FAM3D: variants seen among roughly 807,000 people sequenced by gnomAD.
FAM3D encodes the protein FAM3 metabolism regulating signaling molecule D.
Under a neutral mutation model 29.8 loss-of-function variants are expected in FAM3D, and 26 were observed. The observed-to-expected ratio is 0.87, with a 90% confidence interval of 0.64 to 1.21. The LOEUF (loss-of-function observed/expected upper bound fraction) is 1.21, where lower values mean the gene tolerates loss of function less well. Among genes scored for constraint, FAM3D ranks in the 50% most tolerant of loss-of-function variants. FAM3D has a pLI of 0.00. For synonymous variants in FAM3D, 115 were observed against 102.3 expected (o/e 1.12, Z -0.75); for missense variants, 253 against 290.9 (o/e 0.87, Z 0.95).
At chr3:58,649,401 T>A (rs745812825) in intron 3 of FAM3D, 63 bp from the exon 4 acceptor site, 1 of 1,607,136 alleles carries the variant, frequency 6.2e-7, no homozygotes, top group South Asian at 1.1e-5. Context: ...AGGATGGAGG[T>A]TGGGGGCTGG....
At chr3:58,653,571 G>T in intron 3 of FAM3D, 103 bp downstream of exon 3, 3 of 1,125,666 alleles carry the variant, frequency 2.7e-6, no homozygotes, top group Non-Finnish European at 2.6e-6. Flanking sequence ...AGGCAGCACA[G>T]CTTGTCATGT....
At chr3:58,649,938 C>T (rs2066586332) in intron 3 of FAM3D, among the ~76,000 whole-genome samples, 1 of 152,234 alleles carries the variant, frequency 6.6e-6, no homozygotes, top group Non-Finnish European at 1.5e-5. Context: ...AGGGCCAAGC[C>T]CGGTGCCTGG....
Position 58,652,978 on chromosome 3 carries a change from G to GTTTTT in FAM3D, c.121+691_121+695dup, listed in dbSNP as rs59073252. Reference sequence around the variant, plus strand: ...CACCCATTTATCCATCCATCCATCCGTTTTTTTTTTTTCACTCATCAAATG... The same window carrying GTTTTT: ...CACCCATTTATCCATCCATCCATCCGTTTTTTTTTTTTTTTTTCACTCATCAAATG... On this transcript the variant is annotated intron_variant, in intron 3 of 9. Coordinates refer to ENST00000358781, the MANE Select transcript of FAM3D (RefSeq NM_138805.3). Among the ~76,000 whole-genome samples, 4 of 138,786 alleles carry GTTTTT rather than the reference G, an allele frequency of 2.9e-5. 1 individual carries two copies. Among genetic ancestry groups the GTTTTT allele is most frequent in the Non-Finnish European group, 4.7e-5 (3 of 63,326 alleles). 91.0% of individuals were successfully genotyped at this position (138,786 alleles called of 152,430 possible).
intron 1 of FAM3D, among the ~76,000 whole-genome samples, chr3:58,665,310 T>A: frequency 6.6e-6 from 1 of 152,110 alleles, no homozygotes; most frequent in East Asian, 2.0e-4. Context: ...CTGCTTGAGC[T>A]GCTCTGCCCT....
intron 6 of FAM3D, among the ~76,000 whole-genome samples, chr3:58,643,243 C>A (rs1331480567): frequency 6.6e-6 from 1 of 152,228 alleles, no homozygotes; most frequent in Non-Finnish European, 1.5e-5. Context: ...CCCCAGTGTC[C>A]TGTACAGAGC....
Position 58,653,724 on chromosome 3 carries a change from C to T in FAM3D, c.71G>A (p.Arg24Gln), listed in dbSNP as rs765250738. ...TTTCATGCTGAAGCTCATGTAGCTTCGAATAAACATCCATGTCGTGACTAT... is the reference window on the plus strand; with the variant it reads ...TTTCATGCTGAAGCTCATGTAGCTTTGAATAAACATCCATGTCGTGACTAT... ...FAIVTTWMFIRSYMSFSMKTI... is the reference protein window; with the variant it reads ...FAIVTTWMFIQSYMSFSMKTI... The change falls in exon 3 of 10, where the codon CGA (arginine) becomes CAA (glutamine). Residue 24 changes from arginine (R) to glutamine (Q), a missense_variant. Coordinates refer to ENST00000358781, the MANE Select transcript of FAM3D (RefSeq NM_138805.3). 5.1e-5 allele frequency: 83 copies of T among 1,613,950 alleles called. 1 individual carries two copies. The highest frequency in any genetic ancestry group is 9.3e-5 in the African/African-American group (7 of 74,930).
chr3:58,635,320 A>G lies in FAM3D; in HGVS notation c.586-952T>C, dbSNP rs2066132351. Among the ~76,000 whole-genome samples the G allele has an allele frequency of 6.6e-6, 1 of 152,220 alleles. No homozygotes were observed. Among genetic ancestry groups the G allele is most frequent in the African/African-American group, 2.4e-5 (1 of 41,454 alleles). ...GAATCATTGTGGCTGACTCTCAGGA[A>G]TTAAAAAAGAGATTCTAGATGCTAC... On this transcript the variant is annotated intron_variant, in intron 9 of 9. Transcript: ENST00000358781. This position sits in a 1 kb window ranked among gnomAD's most constrained non-coding sequence, Gnocchi z 5.2.
At chr3:58,656,781 G>A (rs144906765) in intron 1 of FAM3D, among the ~76,000 whole-genome samples, 2 of 152,350 alleles carry the variant, frequency 1.3e-5, no homozygotes, top group East Asian at 1.9e-4. Context: ...CCTGAGACAG[G>A]AGACTGGGCT....
chr3:58,659,117 T>C (rs2106942753), intron 1 of FAM3D, among the ~76,000 whole-genome samples: 1 of 152,296 alleles, frequency 6.6e-6, no homozygotes, highest in Middle Eastern at 3.4e-3. Flanking sequence ...TGATGCTATC[T>C]ACCTGTCCTG....
intron 1 of FAM3D, among the ~76,000 whole-genome samples, chr3:58,665,905 T>C (rs563685759): frequency 6.6e-6 from 1 of 152,308 alleles, no homozygotes; most frequent in Non-Finnish European, 1.5e-5. Flanking sequence ...ACTTCAGCGA[T>C]TGATGGGGGA....
At chr3:58,653,421 C>T (rs894154462) in intron 3 of FAM3D, among the ~76,000 whole-genome samples, 3 of 152,208 alleles carry the variant, frequency 2.0e-5, no homozygotes, top group East Asian at 3.9e-4. Flanking sequence ...CTTCCTTCTT[C>T]GGGTCACCTT....
chr3:58,645,375 C>T (rs2066445726), intron 5 of FAM3D, 134 bp downstream of exon 5: 2 of 587,294 alleles, frequency 3.4e-6, no homozygotes, highest in Admixed American at 6.3e-5. Context: ...ATTTGTGCCT[C>T]ACACACCCAG....
intron 4 of FAM3D, among the ~76,000 whole-genome samples, chr3:58,648,601 A>G (rs763711590): frequency 3.3e-5 from 5 of 152,182 alleles, no homozygotes; most frequent in East Asian, 3.8e-4. Context: ...GATGCCTGTG[A>G]AGTTCTGAAT....
intron 8 of FAM3D, 112 bp from the exon 9 acceptor site, chr3:58,636,532 C>T: frequency 6.9e-7 from 1 of 1,458,892 alleles, no homozygotes; most frequent in Non-Finnish European, 9.2e-7. Context: ...CAGCATCTGC[C>T]CTGGGGGTGT....
chr3:58,662,529 CT>C (rs771173703), intron 1 of FAM3D, among the ~76,000 whole-genome samples: 6 of 152,172 alleles, frequency 3.9e-5, no homozygotes, highest in Admixed American at 6.5e-5. Context: ...TTGGCAGATT[CT>C]TTTTCTTAAC....
intron 1 of FAM3D, among the ~76,000 whole-genome samples, chr3:58,666,196 C>T (rs2067027109): frequency 6.6e-6 from 1 of 152,004 alleles, no homozygotes. Flanking sequence ...TTGAGGGGCC[C>T]CTGTGGTTAA....
In FAM3D at chr3:58,643,708, A is replaced by G. The variant is rs1239246240; in HGVS notation, c.276T>C (p.Pro92=). ...GGCCTCTGCCCACATTGTTTTTCACAGGACTCATGATCCTGAAGACAATGA... is the reference window on the plus strand; with the variant it reads ...GGCCTCTGCCCACATTGTTTTTCACGGGACTCATGATCCTGAAGACAATGA... The part of the protein sequence containing the change: ...MCFEDRMIMS[P]VKNNVGRGLN... Residue 92 remains proline (P), a synonymous_variant, in exon 6 of 10, where the codon CCT becomes CCC. Transcript: ENST00000358781. The G allele has an allele frequency of 6.2e-7, 1 of 1,613,996 alleles. No homozygotes were observed. Among genetic ancestry groups the G allele is most frequent in the Admixed American group, 1.7e-5 (1 of 60,030 alleles).
intron 7 of FAM3D, among the ~76,000 whole-genome samples, chr3:58,638,965 C>A (rs1326598859): frequency 6.6e-6 from 1 of 152,178 alleles, no homozygotes. Flanking sequence ...ATAAAACATG[C>A]CTTCTGCTAA....
intron 3 of FAM3D, 170 bp from the exon 4 acceptor site, chr3:58,649,508 A>G: frequency 1.5e-6 from 1 of 688,232 alleles, no homozygotes; most frequent in Non-Finnish European, 2.6e-6. Flanking sequence ...ATACATACAC[A>G]CACAGCACAC....
Sources: allele counts gnomAD v4.1 joint callset (sites outside exome capture counted in the v4.1 genomes callset), GRCh38; gene constraint gnomAD v4.1.1; non-coding constraint Gnocchi (gnomAD v3.1); transcripts MANE v1.5; gene names NCBI Gene and HGNC (gene_info 2026-07-23, HGNC 2026-07-21).